TNFAIP8: variants seen among roughly 807,000 people sequenced by gnomAD.
TNFAIP8 encodes tumor necrosis factor alpha-induced protein 8.
In TNFAIP8, 7 loss-of-function variants were observed where a neutral mutation model predicts 13.3. That is an observed-to-expected ratio of 0.52 (90% confidence interval 0.30 to 0.99). The LOEUF (loss-of-function observed/expected upper bound fraction) is 0.99, where lower values mean the gene tolerates loss of function less well. TNFAIP8 is among the 50% of genes least tolerant of loss of function. TNFAIP8 has a pLI of 0.07. For missense variants in TNFAIP8, 258 were observed against 236.9 expected (o/e 1.09, Z -0.58); for synonymous variants, 94 against 87.6 (o/e 1.07, Z -0.41).
chr5:119,382,695 A>G (rs1330668706), intron 1 of TNFAIP8, among the ~76,000 whole-genome samples: 1 of 152,220 alleles, frequency 6.6e-6, no homozygotes, highest in Non-Finnish European at 1.5e-5. Context: ...ACTGAGGCAT[A>G]GAGAGGTTAG....
chr5:119,393,017 C>T lies in TNFAIP8; in HGVS notation c.233C>T (p.Thr78Ile), dbSNP rs1368733359. The T allele has an allele frequency of 1.2e-6, 2 of 1,613,372 alleles. No homozygotes were observed. The highest frequency in any genetic ancestry group is 1.7e-6 in the Non-Finnish European group (2 of 1,179,624). The change falls in exon 2 of 2, where the codon ACA becomes ATA. Residue 78 changes from threonine to isoleucine, a missense_variant. Coordinates refer to ENST00000504771, the MANE Select transcript of TNFAIP8 (RefSeq NM_014350.4). ...AEKIIKNLIK[T>I]VIKLAILYRN... The stretch of plus-strand genomic sequence containing the variant: ...AAGATCATCAAGAACCTCATCAAGA[C>T]AGTCATCAAGCTGGCCATTCTTTAT...
chr5:119,344,398 A>G (rs941680947), intron 1 of TNFAIP8, among the ~76,000 whole-genome samples: 3 of 152,202 alleles, frequency 2.0e-5, no homozygotes, highest in Non-Finnish European at 4.4e-5. Context: ...ATCCACCTCC[A>G]TGACCCAAAC....
At chr5:119,332,233 C>T (rs918856231) in intron 1 of TNFAIP8, among the ~76,000 whole-genome samples, 1 of 152,106 alleles carries the variant, frequency 6.6e-6, no homozygotes, top group Non-Finnish European at 1.5e-5. Flanking sequence ...TAATAATGCT[C>T]ATTACTGCTT....
chr5:119,285,405 G>A (rs1355775768), intron 1 of TNFAIP8, among the ~76,000 whole-genome samples: 3 of 152,152 alleles, frequency 2.0e-5, no homozygotes, highest in African/African-American at 7.2e-5. Context: ...GTCCCTGTGG[G>A]AAGGAGTGCT....
At chr5:119,272,122 GGA>G (rs1748309940) in intron 1 of TNFAIP8, among the ~76,000 whole-genome samples, 1 of 152,186 alleles carries the variant, frequency 6.6e-6, no homozygotes, top group Non-Finnish European at 1.5e-5. Context: ...GGCCTGAAGA[GGA>G]GGAAATGAGC....
chr5:119,358,025 T>A (rs556699446), intron 1 of TNFAIP8, among the ~76,000 whole-genome samples: 1 of 152,138 alleles, frequency 6.6e-6, no homozygotes, highest in South Asian at 2.1e-4. Flanking sequence ...CAGATGTCGA[T>A]GAAGCGAGCT....
intron 1 of TNFAIP8, among the ~76,000 whole-genome samples, chr5:119,323,541 T>C (rs2112692774): frequency 6.6e-6 from 1 of 152,358 alleles, no homozygotes; most frequent in South Asian, 2.1e-4. Context: ...TTTAATTTAA[T>C]TTACCTTAAA....
intron 1 of TNFAIP8, among the ~76,000 whole-genome samples, chr5:119,347,168 A>T (rs776534212): frequency 6.6e-5 from 10 of 152,214 alleles, no homozygotes; most frequent in Non-Finnish European, 1.3e-4. Flanking sequence ...AACATTCATT[A>T]TCAGTGTGTG....
At chr5:119,351,066 C>G (rs190688033), upstream of TNFAIP8, among the ~76,000 whole-genome samples, 1,153 of 150,608 alleles carry the variant, frequency 7.7e-3, 3 homozygotes, top group Admixed American at 0.013. Flanking sequence ...CTCTGTTGCC[C>G]AGGCTGGAAT....
chr5:119,376,363 C>T (rs1288575200), intron 1 of TNFAIP8, among the ~76,000 whole-genome samples: 1 of 149,486 alleles, frequency 6.7e-6, no homozygotes, highest in Non-Finnish European at 1.5e-5. Context: ...TCAGGTGATC[C>T]GCCCACCTCA....
intron 1 of TNFAIP8, among the ~76,000 whole-genome samples, chr5:119,274,148 C>G (rs1473860710): frequency 6.6e-6 from 1 of 152,098 alleles, no homozygotes; most frequent in Non-Finnish European, 1.5e-5. Flanking sequence ...GTCCTGAGCT[C>G]TCTTCTGACT....
chr5:119,283,848 A>G (rs143967163), intron 1 of TNFAIP8, among the ~76,000 whole-genome samples: 1 of 152,232 alleles, frequency 6.6e-6, no homozygotes, highest in African/African-American at 2.4e-5. Flanking sequence ...TTCGAGACAA[A>G]TAAGGACTTG....
intron 1 of TNFAIP8, among the ~76,000 whole-genome samples, chr5:119,290,695 G>A (rs140182684): frequency 4.6e-4 from 70 of 152,304 alleles, no homozygotes; most frequent in Non-Finnish European, 7.3e-4. Context: ...GTATGAAGAG[G>A]CGAAGATCTG....
At chr5:119,327,968 A>G (rs1383921922) in intron 1 of TNFAIP8, among the ~76,000 whole-genome samples, 1 of 152,056 alleles carries the variant, frequency 6.6e-6, no homozygotes, top group African/African-American at 2.4e-5. Flanking sequence ...GCTTGAAAGT[A>G]TGGGAAGATC....
At chr5:119,364,312 A>G (rs1211151640) in intron 1 of TNFAIP8, among the ~76,000 whole-genome samples, 3 of 152,214 alleles carry the variant, frequency 2.0e-5, no homozygotes. Flanking sequence ...CCAAAATTTT[A>G]GAAACTCTGT....
Position 119,394,290 on chromosome 5 carries a change from A to G in TNFAIP8, c.*909A>G, listed in dbSNP as rs1397142223. On this transcript the variant is annotated 3_prime_UTR_variant, in exon 2 of 2. Coordinates refer to ENST00000504771, the MANE Select transcript of TNFAIP8 (RefSeq NM_014350.4). ...AAACAATTTAGGGGAATGAGGGGCAAAAGGGGAGAAATACTGCTAAAGAAC... is the reference window on the plus strand; with the variant it reads ...AAACAATTTAGGGGAATGAGGGGCAGAAGGGGAGAAATACTGCTAAAGAAC... The G allele has an allele frequency of 1.3e-5, 2 of 152,206 alleles. No individual in the cohort carries two copies. Among genetic ancestry groups the G allele is most frequent in the African/African-American group, 4.8e-5 (2 of 41,440 alleles). 9.4% of individuals were successfully genotyped at this position (152,206 alleles called of 1,614,324 possible).
At chr5:119,367,250 TA>T (rs1261354570) in intron 1 of TNFAIP8, among the ~76,000 whole-genome samples, 48 of 152,156 alleles carry the variant, frequency 3.2e-4, no homozygotes, top group African/African-American at 1.1e-3. Flanking sequence ...ACCCTTCCTT[TA>T]AAAATGCAAT....
chr5:119,309,254 T>A (rs1346865844), intron 1 of TNFAIP8, among the ~76,000 whole-genome samples: 1 of 152,226 alleles, frequency 6.6e-6, no homozygotes, highest in Non-Finnish European at 1.5e-5. Context: ...ACTTGAGGGC[T>A]TTTCTGTGGG....
At chr5:119,379,704 G>C (rs921229544) in intron 1 of TNFAIP8, among the ~76,000 whole-genome samples, 5 of 152,058 alleles carry the variant, frequency 3.3e-5, no homozygotes, top group Non-Finnish European at 7.4e-5. Flanking sequence ...AATCCTCCCA[G>C]CCCAGCCTCT....
Sources: gnomAD v4.1 joint callset for allele counts (sites outside exome capture counted in the v4.1 genomes callset) on GRCh38, gnomAD v4.1.1 for gene constraint, MANE v1.5 for transcripts, NCBI Gene and HGNC (gene_info 2026-07-23, HGNC 2026-07-21) for gene names.